Variants in FANCA observed in about 807,000 individuals in gnomAD.
The protein encoded by FANCA is Fanconi anemia group A protein.
A neutral mutation model predicts 194.3 loss-of-function variants in FANCA; 236 were observed. The observed-to-expected ratio is 1.21, with a 90% CI of 1.09 to 1.35. The LOEUF (loss-of-function observed/expected upper bound fraction) is 1.35. Among genes scored for constraint, FANCA ranks in the 40% most tolerant of loss-of-function variants. FANCA has a pLI of 0.00. For synonymous variants in FANCA, 1,014 were observed against 715.8 expected, an observed-to-expected ratio of 1.42 and a Z score of -6.65; for missense variants, 2,628 against 1,813.9, an observed-to-expected ratio of 1.45 and a Z score of -8.15.
At chr16:89,810,073 A>C (rs1203974687) in intron 5 of FANCA, among the ~76,000 whole-genome samples, 2 of 151,086 alleles carry the variant, frequency 1.3e-5, no homozygotes, top group Non-Finnish European at 3.0e-5. Flanking sequence ...TTGTAATCCC[A>C]GCACTTTGGG....
chr16:89,769,586 CA>C, intron 26 of FANCA: 1 of 552,714 alleles, frequency 1.8e-6, no homozygotes, highest in Non-Finnish European at 3.2e-6. Context: ...ACGATATAGA[CA>C]GTTACTATCT....
intron 37 of FANCA, among the ~76,000 whole-genome samples, chr16:89,742,167 G>C (rs923502060): frequency 4.6e-5 from 7 of 151,978 alleles, no homozygotes; most frequent in Non-Finnish European, 1.0e-4. Context: ...AGTAGAGACA[G>C]GGTTTCACCA....
At chr16:89,787,116 G>T (rs1351588840) in intron 14 of FANCA, among the ~76,000 whole-genome samples, 1 of 152,228 alleles carries the variant, frequency 6.6e-6, no homozygotes, top group Non-Finnish European at 1.5e-5. Context: ...AGGCAGTTCT[G>T]TTTGCTATTT....
chr16:89,772,661 T>C (rs17226547), intron 22 of FANCA, among the ~76,000 whole-genome samples: 182 of 151,570 alleles, frequency 1.2e-3, no homozygotes, highest in South Asian at 3.1e-3. Context: ...TACTAAAAAA[T>C]ACAAAAAATT....
At chr16:89,814,144 C>A (rs914619383) in intron 3 of FANCA, among the ~76,000 whole-genome samples, 7 of 152,162 alleles carry the variant, frequency 4.6e-5, no homozygotes, top group African/African-American at 1.7e-4. Context: ...ATCTCCCACT[C>A]TCAAACTGGG....
rs2151714603 is a variant in FANCA, at chr16:89,740,000, C to CT, written c.3927dup (p.Glu1310ArgfsTer3). 1 of 1,614,198 alleles carries CT rather than the reference C, an allele frequency of 6.2e-7. No homozygotes were observed. Among genetic ancestry groups the CT allele is most frequent in the Non-Finnish European group, 8.5e-7 (1 of 1,180,000 alleles). On this transcript the variant is annotated frameshift_variant, in exon 39 of 43. Coordinates refer to ENST00000389301, the MANE Select transcript of FANCA (RefSeq NM_000135.4). LOFTEE classifies it high-confidence loss of function. ...TCAGCAGCGTGTTTCTTACCACTCT[C>CT]TGTCAACTGAAAGAGTGCCAGCCAG...
rs921303215 is a variant in FANCA at position 89,739,360 on chromosome 16, T to A, written c.4011-71A>T. 1.1e-5 allele frequency: 18 copies of A among 1,599,566 alleles called. No individual in the cohort carries two copies. In the African/African-American group the frequency reaches 2.0e-4, roughly 18 times the overall value. ...GGTAGCAGGTGATGCCAAGGGATAC[T>A]GCTCATCTGTGGAGCAGAGGCACAG... On this transcript the variant is annotated intron_variant, in intron 40 of 42. Transcript: ENST00000389301.
chr16:89,763,742 G>T (rs1021617377), intron 28 of FANCA, among the ~76,000 whole-genome samples: 3 of 151,682 alleles, frequency 2.0e-5, no homozygotes, highest in South Asian at 2.1e-4. Flanking sequence ...GTCGAGACCA[G>T]CCTAACATGG....
chr16:89,762,569 G>GAAA lies in FANCA; in HGVS notation c.2779-550_2779-548dup, dbSNP rs59550802. On this transcript the variant is annotated intron_variant, in intron 28 of 42. Transcript: ENST00000389301. ...CAGAGTGAGAACTATCTATAAAAAG[G>GAAA]AAAAAAAAAAAAAAGAAAAAAGAAA... 3.9e-3 allele frequency: 686 copies of GAAA among 173,784 alleles called. 2 individuals are homozygous for GAAA. Among genetic ancestry groups the GAAA allele is most frequent in the South Asian group, 0.015 (201 of 13,812 alleles). 10.8% of individuals were successfully genotyped at this position (173,784 alleles called of 1,614,324 possible).
In FANCA at chr16:89,770,704, G is replaced by T. The variant is rs35069151; in HGVS notation, c.2152-70C>A. ...AGCAGCAGGAAGGAAGCCGGCCAGC[G>T]CTCCCGCCACAGACATCGCAATTCT... On this transcript the variant is annotated intron_variant, in intron 23 of 42. Transcript: ENST00000389301. 167 of 1,326,872 alleles carry T rather than the reference G, an allele frequency of 1.3e-4. 2 individuals are homozygous for T. The South Asian group carries it at 2.1e-3, about 17-fold the overall frequency. The allele number at this position is 1,326,872 out of a possible 1,614,324, so 82.2% of individuals were successfully genotyped here.
intron 20 of FANCA, 30 bp downstream of exon 20, chr16:89,778,771 A>T: frequency 6.3e-7 from 1 of 1,585,290 alleles, no homozygotes; most frequent in Non-Finnish European, 8.6e-7. Flanking sequence ...ACCTGGAAGT[A>T]GTCATCCCCT....
intron 2 of FANCA, among the ~76,000 whole-genome samples, chr16:89,814,849 G>C (rs1436807772): frequency 1.3e-5 from 2 of 151,988 alleles, no homozygotes; most frequent in East Asian, 1.9e-4. Flanking sequence ...GCTGAGACGG[G>C]AGAATCACTT....
chr16:89,769,708 C>G (rs978549785), intron 26 of FANCA, 129 bp downstream of exon 26: 8 of 1,055,264 alleles, frequency 7.6e-6, no homozygotes, highest in Non-Finnish European at 1.0e-5. Context: ...GGATATATAC[C>G]AAAATGCTAA....
intron 18 of FANCA, among the ~76,000 whole-genome samples, chr16:89,779,530 C>G (rs944250418): frequency 6.6e-6 from 1 of 152,164 alleles, no homozygotes; most frequent in Non-Finnish European, 1.5e-5. Context: ...TTCCTGTTGG[C>G]TGCTTCAGCA....
At chr16:89,749,967 C>T (rs942212666) in intron 31 of FANCA, 65 bp from the exon 32 acceptor site, 25 of 1,580,160 alleles carry the variant, frequency 1.6e-5, no homozygotes, top group Non-Finnish European at 2.2e-5. Flanking sequence ...AGTCGGGGAC[C>T]CAGACGTCAG....
In FANCA at chr16:89,738,987, C is replaced by A. The variant is rs765136708; in HGVS notation, c.4168-13G>T. ...CCACGGGGTTGCCCTAGAGAGAAAA[C>A]AGGCAAACTCACAGGTTAGAAGACA... On this transcript the variant is annotated splice_polypyrimidine_tract_variant and intron_variant, in intron 41 of 42. Transcript: ENST00000389301. 6.2e-7 allele frequency: 1 copy of A among 1,614,214 alleles called. No homozygotes were observed. Among genetic ancestry groups the A allele is most frequent in the Non-Finnish European group, 8.5e-7 (1 of 1,180,032 alleles).
intron 11 of FANCA, among the ~76,000 whole-genome samples, chr16:89,794,513 G>C (rs1442944152): frequency 1.3e-5 from 2 of 152,102 alleles, no homozygotes; most frequent in Admixed American, 1.3e-4. Flanking sequence ...TCCAGCCTGG[G>C]CAACAGAGTA....
In FANCA at chr16:89,737,876, A is replaced by G. The variant is rs374057605; in HGVS notation, c.*725T>C. On this transcript the variant is annotated 3_prime_UTR_variant, in exon 43 of 43. Coordinates refer to ENST00000389301, the MANE Select transcript of FANCA (RefSeq NM_000135.4). ...AGCGGAAGCACCTTCTCGTCCACCAAATGCGACATTCGGGAGCCAAGCCTT... is the reference window on the plus strand; with the variant it reads ...AGCGGAAGCACCTTCTCGTCCACCAGATGCGACATTCGGGAGCCAAGCCTT... 2.3e-5 allele frequency: 37 copies of G among 1,613,994 alleles called. No individual in the cohort carries two copies. The highest frequency in any genetic ancestry group is 5.5e-5 in the South Asian group (5 of 91,082).
intron 5 of FANCA, among the ~76,000 whole-genome samples, chr16:89,809,733 A>C (rs994777618): frequency 6.6e-6 from 1 of 152,002 alleles, no homozygotes; most frequent in Non-Finnish European, 1.5e-5. Flanking sequence ...CATGCCTGTA[A>C]TCCCAGCTAC....
Sources: allele counts gnomAD v4.1 joint callset (sites outside exome capture counted in the v4.1 genomes callset), GRCh38; gene constraint gnomAD v4.1.1; transcripts MANE v1.5; gene names NCBI Gene and HGNC (gene_info 2026-07-23, HGNC 2026-07-21).